Variants in CREB1 observed in about 807,000 individuals in gnomAD.
The protein encoded by CREB1 is cyclic AMP-responsive element-binding protein 1.
CREB1 carries 2 observed loss-of-function variants against 42.0 expected under a neutral mutation model. That is an observed-to-expected ratio of 0.05 (90% CI 0.02 to 0.15). The LOEUF (loss-of-function observed/expected upper bound fraction) is 0.15, where lower values mean the gene tolerates loss of function less well. Among genes scored for constraint, CREB1 ranks in the 10% least tolerant of loss-of-function variants. The probability of loss-of-function intolerance (pLI) is 1.00; values close to 1 mark genes in which losing one functional copy is unlikely to be tolerated. For synonymous variants in CREB1, 123 were observed against 139.9 expected (o/e 0.88, Z 0.85); for missense variants, 199 against 388.9 (o/e 0.51, Z 4.11).
At chr2:207,592,412 A>G (rs2085222601) in intron 7 of CREB1, among the ~76,000 whole-genome samples, 1 of 152,026 alleles carries the variant, frequency 6.6e-6, no homozygotes. Flanking sequence ...CTCAAAAAAT[A>G]AAAAAAGATG....
intron 2 of CREB1, chr2:207,559,056 T>TA (rs2081852806): frequency 6.6e-6 from 1 of 152,316 alleles, no homozygotes; most frequent in South Asian, 2.1e-4. Context: ...GGTGACATAA[T>TA]ACAGGCTTTT....
chr2:207,565,589 G>T (rs1010426998), intron 3 of CREB1, among the ~76,000 whole-genome samples: 3 of 151,582 alleles, frequency 2.0e-5, no homozygotes, highest in Non-Finnish European at 4.4e-5. Flanking sequence ...AAACTATCCT[G>T]TGGGTAGTTT....
Position 207,575,942 on chromosome 2 carries a change from C to A in CREB1, c.688+488C>A, listed in dbSNP as rs1018365504. ...GATTCTGTTTCTCTGCTTCCCCCCC[C>A]CCCCCCAAAAGAAATTTAAATCTTC... On this transcript the variant is annotated intron_variant, in intron 6 of 7. Transcript: ENST00000353267. Among the ~76,000 whole-genome samples the A allele has an allele frequency of 1.2e-4, 7 of 57,342 alleles. 2 individuals carry two copies. The highest frequency in any genetic ancestry group is 3.3e-4 in the Admixed American group (2 of 6,102). The allele number at this position is 57,342 out of a possible 152,430, so 37.6% of individuals were successfully genotyped here.
At chr2:207,538,996 T>G (rs1317531536) in intron 1 of CREB1, among the ~76,000 whole-genome samples, 2 of 152,148 alleles carry the variant, frequency 1.3e-5, no homozygotes, top group Admixed American at 1.3e-4. Context: ...ATACCTTGTT[T>G]TTCACCACTG....
intron 1 of CREB1, among the ~76,000 whole-genome samples, chr2:207,541,736 G>T (rs1003735391): frequency 3.5e-4 from 53 of 152,286 alleles, no homozygotes; most frequent in African/African-American, 1.2e-3. Flanking sequence ...GGTGTGTACA[G>T]TTCAGTGGTT....
In CREB1 at chr2:207,575,460, G is replaced by A. The variant is rs777437356; in HGVS notation, c.688+6G>A. On this transcript the variant is annotated splice_donor_region_variant and intron_variant, in intron 6 of 7. Coordinates refer to ENST00000353267, the MANE Select transcript of CREB1 (RefSeq NM_004379.5). Reference sequence around the variant, plus strand: ...CAACCAAGTTGTTGTTCAAGGTAAGGGAATTCAGAATTCACAGGTGTGGTA... The same window carrying A: ...CAACCAAGTTGTTGTTCAAGGTAAGAGAATTCAGAATTCACAGGTGTGGTA... 1.7e-5 allele frequency: 27 copies of A among 1,596,174 alleles called. No homozygotes were observed. The highest frequency in any genetic ancestry group is 3.4e-5 in the South Asian group (3 of 89,108).
intron 6 of CREB1, among the ~76,000 whole-genome samples, chr2:207,575,833 G>GT (rs1559049232): frequency 1.5e-5 from 2 of 135,232 alleles, no homozygotes; most frequent in East Asian, 2.2e-4. Flanking sequence ...AAAGTGTTTT[G>GT]TTTTTTGTTG....
At chr2:207,544,123 G>C (rs2081208686) in intron 1 of CREB1, among the ~76,000 whole-genome samples, 1 of 151,932 alleles carries the variant, frequency 6.6e-6, no homozygotes, top group African/African-American at 2.4e-5. Context: ...GTTTCACTGT[G>C]GTCTCGATCT....
intron 1 of CREB1, among the ~76,000 whole-genome samples, chr2:207,539,274 G>A (rs556885104): frequency 2.7e-5 from 4 of 147,980 alleles, no homozygotes; most frequent in African/African-American, 1.0e-4. Flanking sequence ...AGCTGGTCTC[G>A]AACTCCTGAC....
chr2:207,588,921 C>T (rs967310411), intron 7 of CREB1, among the ~76,000 whole-genome samples: 3 of 151,430 alleles, frequency 2.0e-5, no homozygotes, highest in Admixed American at 1.3e-4. Flanking sequence ...GGATTCTCTA[C>T]ACAAATTATC....
chr2:207,599,244 C>T lies in CREB1; in HGVS notation c.*2186C>T, dbSNP rs935810511. On this transcript the variant is annotated 3_prime_UTR_variant, in exon 8 of 8. Coordinates refer to ENST00000353267, the MANE Select transcript of CREB1 (RefSeq NM_004379.5). ...AGTTATAGCATAAAAATTGTGTAAC[C>T]GCATAGATATGTCATTTTTAAAAAC... 2.3e-4 allele frequency: 46 copies of T among 198,372 alleles called. 1 individual carries two copies. The East Asian group carries it at 3.0e-3, about 13-fold the overall frequency. 12.3% of individuals were successfully genotyped at this position (198,372 alleles called of 1,614,324 possible). A position where few individuals can be genotyped will look rare whatever the true frequency, so the allele number is the denominator to read the frequency against.
rs1209236237 is a variant in CREB1, at chr2:207,599,049, C to T, written c.*1991C>T. 2.7e-5 allele frequency: 5 copies of T among 185,388 alleles called. No individual in the cohort carries two copies. The highest frequency in any genetic ancestry group is 4.6e-5 in the Non-Finnish European group (4 of 87,764). The allele number at this position is 185,388 out of a possible 1,614,324, so 11.5% of individuals were successfully genotyped here. A position where few individuals can be genotyped will look rare whatever the true frequency, so the allele number is the denominator to read the frequency against. On this transcript the variant is annotated 3_prime_UTR_variant, in exon 8 of 8. Transcript: ENST00000353267. ...TTAACATTTGTAAATGGTATATTTTCGTTTGTAACAAACCATTGTCTTTTT... is the reference window on the plus strand; with the variant it reads ...TTAACATTTGTAAATGGTATATTTTTGTTTGTAACAAACCATTGTCTTTTT...
intron 1 of CREB1, among the ~76,000 whole-genome samples, chr2:207,538,185 G>T (rs1227709263): frequency 6.6e-6 from 1 of 151,758 alleles, no homozygotes; most frequent in African/African-American, 2.4e-5. Flanking sequence ...ATTATATTTT[G>T]CCCAGATGTT....
At chr2:207,540,243 A>G (rs1394654970) in intron 1 of CREB1, among the ~76,000 whole-genome samples, 1 of 152,220 alleles carries the variant, frequency 6.6e-6, no homozygotes, top group African/African-American at 2.4e-5. Context: ...TTGCCCCTTG[A>G]AGACATTCCA....
At chr2:207,530,709 C>G (rs1420971250) in intron 1 of CREB1, among the ~76,000 whole-genome samples, 1 of 151,816 alleles carries the variant, frequency 6.6e-6, no homozygotes, top group Non-Finnish European at 1.5e-5. Context: ...GTGAAGGTGC[C>G]TGCTGCCTTC....
intron 1 of CREB1, among the ~76,000 whole-genome samples, chr2:207,530,435 G>GGGTGTGTGCGGGCGGCCGGC: frequency 6.9e-6 from 1 of 145,796 alleles, no homozygotes; most frequent in African/African-American, 2.5e-5. Context: ...CGGCGGCCGG[G>GGGTGTGTGCGGGCGGCCGGC]GGTGTGTGCG....
rs1377015779 is a variant in CREB1, at chr2:207,602,379, G to A, written c.*5321G>A. On this transcript the variant is annotated 3_prime_UTR_variant, in exon 8 of 8. Coordinates refer to ENST00000353267, the MANE Select transcript of CREB1 (RefSeq NM_004379.5). ...TGCAGGTCCCAGCTGGGTATGACAT[G>A]ATACATTTTTAATTATTCTCACCAG... 4.9e-6 allele frequency: 1 copy of A among 202,598 alleles called. No homozygotes were observed. The highest frequency in any genetic ancestry group is 2.3e-5 in the African/African-American group (1 of 43,612). The allele number at this position is 202,598 out of a possible 1,614,324, so 12.6% of individuals were successfully genotyped here. A position where few individuals can be genotyped will look rare whatever the true frequency, so the allele number is the denominator to read the frequency against.
chr2:207,557,777 T>C (rs1178659182), intron 2 of CREB1, among the ~76,000 whole-genome samples: 1 of 152,158 alleles, frequency 6.6e-6, no homozygotes, highest in Non-Finnish European at 1.5e-5. Context: ...GGGTTTTTAT[T>C]TTATTTTTTA....
intron 3 of CREB1, among the ~76,000 whole-genome samples, chr2:207,562,202 G>A (rs2081981007): frequency 6.6e-6 from 1 of 152,148 alleles, no homozygotes; most frequent in Admixed American, 6.5e-5. Flanking sequence ...GAGAAAACTT[G>A]ATTTGCTAGT....
Sources: allele counts gnomAD v4.1 joint callset (sites outside exome capture counted in the v4.1 genomes callset), GRCh38; gene constraint gnomAD v4.1.1; transcripts MANE v1.5; gene names NCBI Gene and HGNC (gene_info 2026-07-23, HGNC 2026-07-21).